The following VCF2 variants were observed in gnomAD, a reference collection of about 807,000 sequenced individuals.
The protein encoded by VCF2 is VCP nuclear cofactor family member 2, also known as protein VCF2.
At chrX:55,160,839 G>A in the VCF2 span, 1 of 1,155,210 alleles carries the variant, frequency 8.7e-7, no homozygotes, top group Non-Finnish European at 1.1e-6. Flanking sequence ...CCTCACCCCC[G>A]CCTCCAGGGC....
chrX:55,156,054 C>T, the VCF2 span, among the ~76,000 whole-genome samples: 2 of 106,688 alleles, frequency 1.9e-5, no homozygotes, highest in African/African-American at 3.4e-5. Context: ...CGGGTTCAAG[C>T]GATTCTCCTG....
the VCF2 span, chrX:55,146,094 G>A: frequency 1.8e-4 from 222 of 1,207,841 alleles, 1 homozygote; most frequent in Non-Finnish European, 2.9e-5. Flanking sequence ...TCATGTTGGA[G>A]CTTGCCCTCG....
the VCF2 span, among the ~76,000 whole-genome samples, chrX:55,151,611 TTTTACAC>T: frequency 3.6e-5 from 4 of 112,420 alleles, no homozygotes. Flanking sequence ...CTAACGCTTA[TTTTACAC>T]ATAAATTTGT....
the VCF2 span, among the ~76,000 whole-genome samples, chrX:55,149,493 G>C: frequency 9.0e-6 from 1 of 111,189 alleles, no homozygotes; most frequent in Non-Finnish European, 1.9e-5. Context: ...GTGTTCATAA[G>C]GCACAAGGCC....
At chrX:55,159,089 G>A in the VCF2 span, 1 of 996,875 alleles carries the variant, frequency 1.0e-6, no homozygotes, top group East Asian at 3.2e-5. Context: ...TTTAGTGTAG[G>A]CAATGAATGA....
the VCF2 span, chrX:55,161,005 C>T: frequency 8.6e-7 from 1 of 1,168,029 alleles, no homozygotes; most frequent in Non-Finnish European, 1.1e-6. Flanking sequence ...GCGCCACCAA[C>T]CCCGGAAGAA....
the VCF2 span, chrX:55,159,329 C>A: frequency 1.6e-6 from 1 of 609,690 alleles, no homozygotes; most frequent in South Asian, 4.2e-5. Context: ...GAGAACTTGT[C>A]TGAAAAAATG....
chrX:55,146,257 C>T, the VCF2 span: 1 of 1,211,624 alleles, frequency 8.3e-7, no homozygotes, highest in Non-Finnish European at 1.1e-6. Context: ...GGTCCACTTG[C>T]TCTCTCTGGG....
the VCF2 span, among the ~76,000 whole-genome samples, chrX:55,151,888 C>CTTTTTT: frequency 2.0e-5 from 1 of 50,049 alleles, no homozygotes; most frequent in Admixed American, 3.1e-4. Flanking sequence ...GCTGTGCTTT[C>CTTTTTT]TTTTTTTTTT....
chrX:55,153,280 G>A, the VCF2 span, among the ~76,000 whole-genome samples: 3 of 110,851 alleles, frequency 2.7e-5, no homozygotes, highest in African/African-American at 9.8e-5. Flanking sequence ...CATATACAGA[G>A]TTGGGACTTT....
the VCF2 span, among the ~76,000 whole-genome samples, chrX:55,156,575 T>G: frequency 8.9e-6 from 1 of 112,012 alleles, no homozygotes; most frequent in Non-Finnish European, 1.9e-5. Flanking sequence ...ATTAATTAGG[T>G]TGTTGAATTA....
At chrX:55,148,322 T>C in the VCF2 span, among the ~76,000 whole-genome samples, 1 of 110,186 alleles carries the variant, frequency 9.1e-6, no homozygotes, top group Non-Finnish European at 1.9e-5. Flanking sequence ...TATAGGAAAA[T>C]ATTTTTCTAA....
chrX:55,158,071 A>G, the VCF2 span, among the ~76,000 whole-genome samples: 21 of 112,468 alleles, frequency 1.9e-4, no homozygotes, highest in African/African-American at 6.5e-4. Context: ...AACAAATTAT[A>G]TAAGTTAAAT....
chrX:55,160,708 A>G, the VCF2 span: 1 of 664,776 alleles, frequency 1.5e-6, no homozygotes, highest in Non-Finnish European at 2.2e-6. Context: ...TGACAAAACC[A>G]ATCAGAGAAA....
chrX:55,143,975 G>A, the VCF2 span: 2 of 473,528 alleles, frequency 4.2e-6, no homozygotes, highest in Admixed American at 6.8e-5. Flanking sequence ...GTTCAACTAA[G>A]TACTGAAAAG....
the VCF2 span, among the ~76,000 whole-genome samples, chrX:55,152,397 T>C: frequency 1.8e-5 from 2 of 111,929 alleles, no homozygotes; most frequent in Non-Finnish European, 3.8e-5. Context: ...CTCCCCCTAC[T>C]TTTTTTGTCA....
At chrX:55,152,464 T>A in the VCF2 span, among the ~76,000 whole-genome samples, 3 of 111,763 alleles carry the variant, frequency 2.7e-5, no homozygotes, top group East Asian at 5.6e-4. Flanking sequence ...ATGTGTGACC[T>A]ACCCATCTAG....
the VCF2 span, chrX:55,146,423 A>G: frequency 1.5e-6 from 1 of 659,223 alleles, no homozygotes; most frequent in Non-Finnish European, 2.4e-6. Context: ...TGGTTTTTAC[A>G]AAGTAGAGCC....
the VCF2 span, among the ~76,000 whole-genome samples, chrX:55,153,615 C>A: frequency 2.7e-4 from 30 of 110,631 alleles, no homozygotes; most frequent in African/African-American, 9.5e-4. Context: ...TCCGCCTCGG[C>A]CTCCCAAAGT....
Sources: allele counts gnomAD v4.1 joint callset (sites outside exome capture counted in the v4.1 genomes callset), GRCh38; gene constraint gnomAD v4.1.1; transcripts MANE v1.5; gene names NCBI Gene and HGNC (gene_info 2026-07-23, HGNC 2026-07-21).